The following SEC23A variants were observed in gnomAD, a reference collection of about 807,000 sequenced individuals.
SEC23A encodes the protein protein transport protein Sec23A.
SEC23A carries 56 observed loss-of-function variants against 103.7 expected under a neutral mutation model. The observed-to-expected ratio is 0.54, with a 90% CI of 0.44 to 0.67. SEC23A has a LOEUF of 0.67. SEC23A is among the 30% of genes least tolerant of loss of function. SEC23A has a pLI of 0.00. For missense variants in SEC23A, 784 were observed against 936.4 expected (o/e 0.84, Z 2.12); for synonymous variants, 281 against 293.0 (o/e 0.96, Z 0.42).
chr14:39,075,919 T>A lies in SEC23A; in HGVS notation c.987+16A>T. 4 of 1,611,932 alleles carry A rather than the reference T, an allele frequency of 2.5e-6. No individual in the cohort carries two copies. Among genetic ancestry groups the A allele is most frequent in the Non-Finnish European group, 3.4e-6 (4 of 1,178,182 alleles). ...TGTTTTCTAATAAGGCAAAAATATTTAACAGTCAAAATTACCTTAGTTCCC... is the reference window on the plus strand; with the variant it reads ...TGTTTTCTAATAAGGCAAAAATATTAAACAGTCAAAATTACCTTAGTTCCC... On this transcript the variant is annotated intron_variant, in intron 8 of 19. Transcript: ENST00000307712.
At position 39,033,243 on chromosome 14, in the gene SEC23A, G is replaced by T; in HGVS notation, c.2294C>A (p.Ala765Asp). 1 of 1,604,446 alleles carries T rather than the reference G, an allele frequency of 6.2e-7. No individual in the cohort carries two copies. Among genetic ancestry groups the T allele is most frequent in the Non-Finnish European group, 8.5e-7 (1 of 1,171,258 alleles). The change falls in exon 20 of 20, where the codon GCT becomes GAT. Residue 765 changes from alanine (A) to aspartate (D), a missense_variant. Ala to Asp is a moderately radical substitution (Grantham distance 126). Transcript: ENST00000307712. ...GTCTTTAACATTATTAGCACTTCAA[G>T]CAGCACTGGACACAGCAAGTTTCTT... ...HLKKLAVSSA[A>D]
At chr14:39,064,752 G>T (rs896389210) in intron 11 of SEC23A, 161 bp downstream of exon 11, 7 of 658,838 alleles carry the variant, frequency 1.1e-5, no homozygotes, top group Non-Finnish European at 1.9e-5. Flanking sequence ...TTTTTGGGGG[G>T]ATAACAGGAG....
chr14:39,101,341 C>T (rs111486532), intron 1 of SEC23A, among the ~76,000 whole-genome samples: 5,246 of 151,774 alleles, frequency 0.035, 331 homozygotes, highest in African/African-American at 0.12. Flanking sequence ...CTTCCCTGGC[C>T]GGGCGCGGTG....
chr14:39,040,622 A>G (rs954483833), intron 18 of SEC23A, 110 bp downstream of exon 18: 1 of 1,370,590 alleles, frequency 7.3e-7, no homozygotes, highest in Admixed American at 1.7e-5. Flanking sequence ...CTATCTCCTT[A>G]CCTTTCTGTC....
intron 7 of SEC23A, among the ~76,000 whole-genome samples, chr14:39,083,563 CT>C (rs71130810): frequency 7.6e-5 from 7 of 91,818 alleles, no homozygotes; most frequent in Admixed American, 2.6e-4. Flanking sequence ...AATAAACTTT[CT>C]TTTTTTTTTT....
chr14:39,099,006 G>A (rs1887989642), intron 1 of SEC23A, among the ~76,000 whole-genome samples: 1 of 151,744 alleles, frequency 6.6e-6, no homozygotes, highest in South Asian at 2.1e-4. Flanking sequence ...TTCTCCCAAG[G>A]ATAGTACATA....
intron 12 of SEC23A, 142 bp from the exon 13 acceptor site, chr14:39,062,013 G>T: frequency 1.5e-6 from 1 of 649,312 alleles, no homozygotes; most frequent in South Asian, 1.7e-5. Flanking sequence ...ATTCAAAACA[G>T]TTATAATTTG....
chr14:39,086,040 T>C (rs879660549), intron 6 of SEC23A, 134 bp from the exon 7 acceptor site: 14 of 792,194 alleles, frequency 1.8e-5, no homozygotes, highest in Non-Finnish European at 3.0e-5. Context: ...CAAACTTTCG[T>C]GTATATGAGA....
At chr14:39,084,687 T>A (rs1349321533) in intron 7 of SEC23A, among the ~76,000 whole-genome samples, 1 of 152,214 alleles carries the variant, frequency 6.6e-6, no homozygotes, top group Non-Finnish European at 1.5e-5. Flanking sequence ...TTTTGTTTTT[T>A]GAGACGGAGT....
At chr14:39,074,591 T>A (rs187977232) in intron 8 of SEC23A, 61 bp from the exon 9 acceptor site, 1 of 1,014,822 alleles carries the variant, frequency 9.9e-7, no homozygotes, top group African/African-American at 1.7e-5. Context: ...CTTTTTTCCA[T>A]TAACAGATCA....
At position 39,095,050 on chromosome 14, in the gene SEC23A, G is replaced by A. The variant is rs1422240332; in HGVS notation, c.221+848C>T. 1.5e-5 allele frequency: 10 copies of A among 688,720 alleles called. 1 individual carries two copies. The South Asian group carries it at 1.5e-4, about 11-fold the overall frequency. The allele number at this position is 688,720 out of a possible 1,614,324, so 42.7% of individuals were successfully genotyped here. On this transcript the variant is annotated intron_variant, in intron 2 of 19. Coordinates refer to ENST00000307712, the MANE Select transcript of SEC23A (RefSeq NM_006364.4). ...ACAAGAATAGAAACAGGGAGAGCAG[G>A]TAGGAGGATATTGAAATTGCCCAGG...
At position 39,064,202 on chromosome 14, in the gene SEC23A, C is replaced by T. The variant is rs1190000312; in HGVS notation, c.1308+711G>A. On this transcript the variant is annotated intron_variant, in intron 11 of 19. Transcript: ENST00000307712. ...CGTCATAGATATAGACAGACCTTTA[C>T]CACGCAAACTGCTTGTACATATTAA... Among the ~76,000 whole-genome samples, 52 of 152,038 alleles carry T rather than the reference C, an allele frequency of 3.4e-4. 2 individuals carry two copies. Among genetic ancestry groups the T allele is most frequent in the African/African-American group, 2.4e-5 (1 of 41,438 alleles).
rs1384797095 is a variant in SEC23A, at chr14:39,086,818, T to C, written c.683+111A>G. The C allele has an allele frequency of 5.7e-6, 4 of 702,398 alleles. No individual in the cohort carries two copies. The East Asian group carries it at 8.1e-5, about 14-fold the overall frequency. 43.5% of individuals were successfully genotyped at this position (702,398 alleles called of 1,614,324 possible). A position where few individuals can be genotyped will look rare whatever the true frequency, so the allele number is the denominator to read the frequency against. On this transcript the variant is annotated intron_variant, in intron 6 of 19. Coordinates refer to ENST00000307712, the MANE Select transcript of SEC23A (RefSeq NM_006364.4). ...AAAGTATGTTAATACAATTTACTTATATTCCTAAAAATATTTAACAATATA... is the reference window on the plus strand; with the variant it reads ...AAAGTATGTTAATACAATTTACTTACATTCCTAAAAATATTTAACAATATA...
chr14:39,064,732 CTTTT>C (rs886511255), intron 11 of SEC23A, 177 bp downstream of exon 11: 4 of 623,554 alleles, frequency 6.4e-6, no homozygotes, highest in Non-Finnish European at 8.6e-6. Context: ...TTCGCTGTGT[CTTTT>C]TTTCTTTTTT....
chr14:39,049,881 C>T (rs2139202382), intron 14 of SEC23A, among the ~76,000 whole-genome samples: 1 of 152,030 alleles, frequency 6.6e-6, no homozygotes, highest in East Asian at 2.0e-4. Flanking sequence ...CAAGCTCCGC[C>T]TCCCAGGTTC....
chr14:39,049,154 T>C (rs1272679716), intron 14 of SEC23A, among the ~76,000 whole-genome samples: 1 of 143,748 alleles, frequency 7.0e-6, no homozygotes, highest in African/African-American at 2.6e-5. Flanking sequence ...CTGAACAATA[T>C]AGCAAGACAA....
chr14:39,038,442 A>G (rs561760501), intron 19 of SEC23A, among the ~76,000 whole-genome samples: 1 of 152,210 alleles, frequency 6.6e-6, no homozygotes, highest in African/African-American at 2.4e-5. Context: ...ACTGCACCCT[A>G]AAGAGCCAAT....
intron 6 of SEC23A, 55 bp from the exon 7 acceptor site, chr14:39,085,961 C>T (rs908065277): frequency 5.1e-5 from 74 of 1,454,212 alleles, no homozygotes; most frequent in Non-Finnish European, 6.3e-5. Context: ...GGTGAGAGTT[C>T]GATAAACAAA....
intron 6 of SEC23A, 29 bp downstream of exon 6, chr14:39,086,900 G>T: frequency 7.4e-7 from 1 of 1,345,696 alleles, no homozygotes; most frequent in Non-Finnish European, 1.1e-6. Flanking sequence ...CTACAGAAAC[G>T]GTCAAATTCT....
Sources: allele counts gnomAD v4.1 joint callset (sites outside exome capture counted in the v4.1 genomes callset), GRCh38; gene constraint gnomAD v4.1.1; transcripts MANE v1.5; gene names NCBI Gene and HGNC (gene_info 2026-07-23, HGNC 2026-07-21).